Variants in CNOT6 observed in about 807,000 individuals in gnomAD.
CNOT6 encodes CCR4-NOT transcription complex subunit 6.
In CNOT6, 12 loss-of-function variants were observed where a neutral mutation model predicts 61.2. The observed-to-expected ratio is 0.20, with a 90% CI of 0.13 to 0.32. The LOEUF (loss-of-function observed/expected upper bound fraction) is 0.32, where lower values mean the gene tolerates loss of function less well. Among genes scored for constraint, CNOT6 ranks in the 10% least tolerant of loss-of-function variants. The pLI, the probability that CNOT6 is intolerant of heterozygous loss-of-function variation, is 1.00. For missense variants in CNOT6, 405 were observed against 663.9 expected, an observed-to-expected ratio of 0.61 and a Z score of 4.28; for synonymous variants, 225 against 240.6, an observed-to-expected ratio of 0.94 and a Z score of 0.60.
At chr5:180,561,359 TGTG>T (rs1760176392) in intron 4 of CNOT6, among the ~76,000 whole-genome samples, 3 of 91,324 alleles carry the variant, frequency 3.3e-5, no homozygotes, top group African/African-American at 4.0e-5. Context: ...GTGTGTTTTG[TGTG>T]TGTGTGTGTG....
At chr5:180,566,477 G>T (rs1760462098) in intron 7 of CNOT6, among the ~76,000 whole-genome samples, 1 of 152,164 alleles carries the variant, frequency 6.6e-6, no homozygotes, top group East Asian at 1.9e-4. Context: ...TGTGGTTCTT[G>T]TTCCACCTCA....
intron 2 of CNOT6, among the ~76,000 whole-genome samples, chr5:180,540,393 TACA>T (rs1758972687): frequency 6.6e-6 from 1 of 152,220 alleles, no homozygotes; most frequent in Admixed American, 6.5e-5. Context: ...ATAAAAGTCT[TACA>T]ACAATATACA....
Position 180,574,158 on chromosome 5 carries a change from C to G in CNOT6, c.1632C>G (p.Phe544Leu). ...CACAACTGGAGCTCTTACTGCCTTTCCTGCCCCAAGTCAACGGCATCCACC... is the reference window on the plus strand; with the variant it reads ...CACAACTGGAGCTCTTACTGCCTTTGCTGCCCCAAGTCAACGGCATCCACC... Reference protein sequence around the residue: ...LFAQLELLLPFLPQVNGIHLP... With the variant: ...LFAQLELLLPLLPQVNGIHLP... Residue 544 changes from phenylalanine (F) to leucine (L), a missense_variant, in exon 12 of 12, where the codon TTC becomes TTG. By Grantham distance (22) the Phe-to-Leu change is conservative. Transcript: ENST00000261951. 1 of 1,614,160 alleles carries G rather than the reference C, an allele frequency of 6.2e-7. No individual in the cohort carries two copies. Among genetic ancestry groups the G allele is most frequent in the Non-Finnish European group, 8.5e-7 (1 of 1,180,026 alleles).
chr5:180,501,530 A>G (rs539129424), intron 1 of CNOT6, among the ~76,000 whole-genome samples: 50 of 152,320 alleles, frequency 3.3e-4, no homozygotes, highest in African/African-American at 1.2e-3. Context: ...TGGTCATTGT[A>G]TAGTTGGCAT....
intron 1 of CNOT6, among the ~76,000 whole-genome samples, chr5:180,522,383 G>T (rs1023059272): frequency 6.6e-6 from 1 of 152,054 alleles, no homozygotes; most frequent in Non-Finnish European, 1.5e-5. Context: ...CAAAATGCTG[G>T]GATTGTAAGT....
chr5:180,523,681 C>CT (rs1460845468), intron 1 of CNOT6, among the ~76,000 whole-genome samples: 1 of 152,122 alleles, frequency 6.6e-6, no homozygotes, highest in Admixed American at 6.5e-5. Context: ...TCATATTCTG[C>CT]TAAGTCTCTT....
At chr5:180,530,611 G>T (rs1758307858) in intron 2 of CNOT6, among the ~76,000 whole-genome samples, 1 of 149,498 alleles carries the variant, frequency 6.7e-6, no homozygotes, top group South Asian at 2.1e-4. Context: ...GGTGTTTCTC[G>T]GAGAGGGGGA....
intron 8 of CNOT6, among the ~76,000 whole-genome samples, 193 bp from the exon 9 acceptor site, chr5:180,567,656 G>T (rs547702742): frequency 6.6e-6 from 1 of 152,174 alleles, no homozygotes; most frequent in Non-Finnish European, 1.5e-5. Context: ...GTTGTTATTT[G>T]TATCAATAAC....
chr5:180,496,585 C>G (rs1756623644), intron 1 of CNOT6, among the ~76,000 whole-genome samples: 1 of 152,098 alleles, frequency 6.6e-6, no homozygotes, highest in African/African-American at 2.4e-5. Flanking sequence ...CCGTGTAATC[C>G]CAGCGCTTTG....
Position 180,567,831 on chromosome 5 carries a change from G to T in CNOT6, c.873-18G>T. Reference sequence around the variant, plus strand: ...TTCCCAACTCTGTGTGTGTGTGTGTGTGTTGTTTTTGTTTTAGATTTACTT... The same window carrying T: ...TTCCCAACTCTGTGTGTGTGTGTGTTTGTTGTTTTTGTTTTAGATTTACTT... On this transcript the variant is annotated intron_variant, in intron 8 of 11. Transcript: ENST00000261951. 6.2e-7 allele frequency: 1 copy of T among 1,613,976 alleles called. No individual in the cohort carries two copies. The highest frequency in any genetic ancestry group is 1.1e-5 in the South Asian group (1 of 91,058).
intron 2 of CNOT6, among the ~76,000 whole-genome samples, chr5:180,541,156 T>C (rs1472714374): frequency 6.6e-6 from 1 of 151,802 alleles, no homozygotes; most frequent in Non-Finnish European, 1.5e-5. Flanking sequence ...TTTTTTTTTT[T>C]AAGATGGAGT....
intron 2 of CNOT6, among the ~76,000 whole-genome samples, chr5:180,535,461 G>C (rs921678932): frequency 1.3e-5 from 2 of 152,148 alleles, no homozygotes; most frequent in African/African-American, 4.8e-5. Context: ...CTCCAGTTCT[G>C]TCCAGGTTGC....
At position 180,571,252 on chromosome 5, in the gene CNOT6, A is replaced by G. The variant is rs1351467654; in HGVS notation, c.1281A>G (p.Thr427=). The change falls in exon 11 of 12, where the codon ACA becomes ACG. Residue 427 remains threonine (T), a synonymous_variant. Transcript: ENST00000261951. ...PDSGVVEYLS[T]GGVETNHKDF... The stretch of plus-strand genomic sequence containing the variant: ...TAGGTGTTGTAGAATATTTGAGCAC[A>G]GGTGGAGTAGAAACAAATCACAAAG... 1 of 1,613,850 alleles carries G rather than the reference A, an allele frequency of 6.2e-7. No individual in the cohort carries two copies. Among genetic ancestry groups the G allele is most frequent in the Non-Finnish European group, 8.5e-7 (1 of 1,179,716 alleles).
chr5:180,545,536 T>C (rs1175901878), intron 2 of CNOT6, among the ~76,000 whole-genome samples: 1 of 152,228 alleles, frequency 6.6e-6, no homozygotes, highest in East Asian at 1.9e-4. Context: ...CATAGTGTTT[T>C]GTTGGTTTTT....
rs1459767801 is a variant in CNOT6 at position 180,576,388 on chromosome 5, T to C, written c.*2188T>C. On this transcript the variant is annotated 3_prime_UTR_variant, in exon 12 of 12. Transcript: ENST00000261951. ...ATTTGTTAATGGAGGATGTCATCTT[T>C]TCATAGATGCTGGAACTAGAGTGCA... 6.6e-6 allele frequency: 1 copy of C among 152,640 alleles called. No homozygotes were observed. The highest frequency in any genetic ancestry group is 2.4e-5 in the African/African-American group (1 of 41,442). 9.5% of individuals were successfully genotyped at this position (152,640 alleles called of 1,614,324 possible).
chr5:180,510,463 C>T lies in CNOT6; in HGVS notation c.-3+15700C>T, dbSNP rs765969083. On this transcript the variant is annotated intron_variant, in intron 1 of 11. Transcript: ENST00000261951. ...GGCTGCGAGAAAGGCTTGTGACTAT[C>T]GTCTAATGGAACTAAGTGGGTTTGT... Among the ~76,000 whole-genome samples the T allele has an allele frequency of 3.0e-4, 46 of 152,160 alleles. 1 individual carries two copies. Among genetic ancestry groups the T allele is most frequent in the Admixed American group, 4.6e-4 (7 of 15,274 alleles).
intron 2 of CNOT6, among the ~76,000 whole-genome samples, chr5:180,546,735 C>G (rs1204087017): frequency 6.6e-6 from 1 of 152,156 alleles, no homozygotes; most frequent in African/African-American, 2.4e-5. Context: ...TTTATTTCTT[C>G]TGCTTAAAGA....
chr5:180,518,521 T>A lies in CNOT6; in HGVS notation c.-2-10754T>A, dbSNP rs1415993317. 3.4e-5 allele frequency among the ~76,000 whole-genome samples: 5 copies of A among 146,814 alleles called. No individual in the cohort carries two copies. In the East Asian group the frequency reaches 1.0e-3, roughly 30 times the overall value. The stretch of plus-strand genomic sequence containing the variant: ...TGTGTGTGTGGGGGGGAGGAGGGAG[T>A]TGATGGGGGAAGGGAGAGACAAGGT... On this transcript the variant is annotated intron_variant, in intron 1 of 11. Transcript: ENST00000261951.
rs139018741 is a variant in CNOT6 at position 180,527,994 on chromosome 5, C to T, written c.-2-1281C>T. 5.3e-5 allele frequency among the ~76,000 whole-genome samples: 8 copies of T among 152,232 alleles called. No homozygotes were observed. In the East Asian group the frequency reaches 1.4e-3, roughly 26 times the overall value. On this transcript the variant is annotated intron_variant, in intron 1 of 11. Coordinates refer to ENST00000261951, the MANE Select transcript of CNOT6 (RefSeq NM_001370472.1). ...GATCTGAGATGGTACGGTTTCATCC[C>T]GAAACCACCCCACCCTCCCCAAATC...
Sources: allele counts gnomAD v4.1 joint callset (sites outside exome capture counted in the v4.1 genomes callset), GRCh38; gene constraint gnomAD v4.1.1; transcripts MANE v1.5; gene names NCBI Gene and HGNC (gene_info 2026-07-23, HGNC 2026-07-21).